Variants in FSIP2 observed in about 807,000 individuals in gnomAD.
FSIP2 encodes fibrous sheath-interacting protein 2.
In FSIP2, 367 loss-of-function variants were observed where a neutral mutation model predicts 510.5. The ratio of observed to expected loss-of-function variants is 0.72; its 90% confidence interval spans 0.66 to 0.78. The LOEUF (loss-of-function observed/expected upper bound fraction) is 0.78. Ranked by LOEUF, FSIP2 falls within the 30% of genes least tolerant of loss-of-function variation. FSIP2 has a pLI of 0.00. For missense variants in FSIP2, 7,594 were observed against 7,901.7 expected (o/e 0.96, Z 1.48); for synonymous variants, 2,601 against 2,732.2 (o/e 0.95, Z 1.50).
intron 13 of FSIP2, among the ~76,000 whole-genome samples, chr2:185,776,728 C>A (rs1002916027): frequency 6.6e-6 from 1 of 151,908 alleles, no homozygotes; most frequent in African/African-American, 2.4e-5. Context: ...CTGAGGGATG[C>A]AAGATTTTTA....
Position 185,806,528 on chromosome 2 carries a change from A to G in FSIP2, c.17222A>G (p.Asn5741Ser). 6.3e-7 allele frequency: 1 copy of G among 1,598,468 alleles called. No homozygotes were observed. Among genetic ancestry groups the G allele is most frequent in the South Asian group, 1.1e-5 (1 of 87,776 alleles). Residue 5741 changes from asparagine to serine, a missense_variant, in exon 17 of 23, where the codon AAT becomes AGT. Coordinates refer to ENST00000424728, the MANE Select transcript of FSIP2 (RefSeq NM_173651.4). ...TKKVSSSTNK[N>S]ISAKEKEEEE... ...AAAGTATCCTCCTCAACTAACAAAAATATCTCTGCCAAAGAAAAAGAAGAG... is the reference window on the plus strand; with the variant it reads ...AAAGTATCCTCCTCAACTAACAAAAGTATCTCTGCCAAAGAAAAAGAAGAG...
intron 17 of FSIP2, 148 bp downstream of exon 17, chr2:185,809,281 C>A: frequency 1.2e-6 from 1 of 816,660 alleles, no homozygotes; most frequent in Non-Finnish European, 1.8e-6. Flanking sequence ...TCAGTTCATC[C>A]ATACAGTCAT....
chr2:185,769,590 T>C (rs533433421), intron 13 of FSIP2, among the ~76,000 whole-genome samples: 1 of 152,316 alleles, frequency 6.6e-6, no homozygotes, highest in South Asian at 2.1e-4. Flanking sequence ...ACTGTATTAC[T>C]AGTTTCTTTT....
chr2:185,779,130 C>T (rs1002303714), intron 13 of FSIP2, among the ~76,000 whole-genome samples: 5 of 151,832 alleles, frequency 3.3e-5, no homozygotes, highest in African/African-American at 1.2e-4. Flanking sequence ...TTTTTATTGT[C>T]TTAGCATTTC....
intron 17 of FSIP2, among the ~76,000 whole-genome samples, chr2:185,813,224 C>T (rs925617863): frequency 3.3e-5 from 5 of 151,900 alleles, no homozygotes; most frequent in Non-Finnish European, 1.5e-5. Context: ...GTTATCCTGT[C>T]TACTTCTGTC....
chr2:185,783,599 T>C (rs1017392876), intron 14 of FSIP2: 4 of 152,256 alleles, frequency 2.6e-5, no homozygotes, highest in Admixed American at 1.3e-4. Context: ...GTTTGACTTA[T>C]TGAGTATTCA....
At chr2:185,763,343 T>C (rs772128448) in intron 12 of FSIP2, 54 bp downstream of exon 12, 62 of 759,556 alleles carry the variant, frequency 8.2e-5, no homozygotes, top group Middle Eastern at 4.5e-4. Flanking sequence ...GGATATGATC[T>C]TATGGTCATA....
At position 185,804,820 on chromosome 2, in the gene FSIP2, C is replaced by T; in HGVS notation, c.15514C>T (p.Leu5172Phe). 1 of 1,532,816 alleles carries T rather than the reference C, an allele frequency of 6.5e-7. No homozygotes were observed. Among genetic ancestry groups the T allele is most frequent in the Non-Finnish European group, 8.7e-7 (1 of 1,144,830 alleles). 95.0% of individuals were successfully genotyped at this position (1,532,816 alleles called of 1,614,324 possible). A position where few individuals can be genotyped will look rare whatever the true frequency, so the allele number is the denominator to read the frequency against. Residue 5172 changes from leucine (L) to phenylalanine (F), a missense_variant, in exon 17 of 23, where the codon CTT (leucine) becomes TTT (phenylalanine). Physicochemically the swap from Leu to Phe is conservative, Grantham distance 22. Coordinates refer to ENST00000424728, the MANE Select transcript of FSIP2 (RefSeq NM_173651.4). ...AGAAATTTCTGAACATGAGATTCGA[C>T]TTTCCATGGCAGAGGATAATGCAGA... Reference protein sequence around the residue: ...IKEISEHEIRLSMAEDNAESM... With the variant: ...IKEISEHEIRFSMAEDNAESM...
At position 185,813,546 on chromosome 2, in the gene FSIP2, C is replaced by T. The variant is rs371807474; in HGVS notation, c.19829C>T (p.Ala6610Val). 8.5e-5 allele frequency: 129 copies of T among 1,512,336 alleles called. No homozygotes were observed. Among genetic ancestry groups the T allele is most frequent in the Middle Eastern group, 1.9e-4 (1 of 5,212 alleles). 93.7% of individuals were successfully genotyped at this position (1,512,336 alleles called of 1,614,324 possible). A position where few individuals can be genotyped will look rare whatever the true frequency, so the allele number is the denominator to read the frequency against. Residue 6610 changes from alanine (A) to valine (V), a missense_variant and splice_region_variant, in exon 18 of 23, where the codon GCC becomes GTC. Coordinates refer to ENST00000424728, the MANE Select transcript of FSIP2 (RefSeq NM_173651.4). The part of the protein sequence containing the change: ...TGRLDVKPLE[A>V]VARNSFQNIR... The stretch of plus-strand genomic sequence containing the variant: ...TATTTGCTATACCTTTAATTTCAGG[C>T]CGTTGCTAGAAATTCATTTCAGAAT...
At chr2:185,828,252 C>T in intron 21 of FSIP2, 53 bp downstream of exon 21, 1 of 991,576 alleles carries the variant, frequency 1.0e-6, no homozygotes, top group South Asian at 1.4e-5. Context: ...TAGTTCAGAA[C>T]AACTCAGTTT....
Position 185,739,351 on chromosome 2 carries a change from G to A in FSIP2, c.105G>A (p.Val35=), listed in dbSNP as rs1691873943. ...AADTQQCRDG[V]HKTHFAGVGP... ...TCTCCAATTGTGTCTGACAGGGCGT[G>A]CACAAAACCCACTTTGCAGGGGTTG... Residue 35 remains valine, a synonymous_variant, in exon 2 of 23, where the codon GTG becomes GTA. Transcript: ENST00000424728. 2 of 1,529,488 alleles carry A rather than the reference G, an allele frequency of 1.3e-6. No individual in the cohort carries two copies. The highest frequency in any genetic ancestry group is 2.8e-5 in the African/African-American group (2 of 72,358). 94.7% of individuals were successfully genotyped at this position (1,529,488 alleles called of 1,614,324 possible).
At chr2:185,829,059 CT>C (rs1453828800) in intron 21 of FSIP2, among the ~76,000 whole-genome samples, 1 of 151,832 alleles carries the variant, frequency 6.6e-6, no homozygotes, top group Admixed American at 6.6e-5. Context: ...TCAGGCTCCA[CT>C]TTGGCCACAC....
rs1386225718 is a variant in FSIP2, at chr2:185,739,244, T to C, written c.100-102T>C. 4 of 1,293,500 alleles carry C rather than the reference T, an allele frequency of 3.1e-6. No homozygotes were observed. The East Asian group carries it at 1.1e-4, about 34-fold the overall frequency. 80.1% of individuals were successfully genotyped at this position (1,293,500 alleles called of 1,614,324 possible). A position where few individuals can be genotyped will look rare whatever the true frequency, so the allele number is the denominator to read the frequency against. ...TTCAGGATGCCCCGAACCCTGATTG[T>C]ATAATTCTTCGGAGTCTTTGGTTGC... On this transcript the variant is annotated intron_variant, in intron 1 of 22. Coordinates refer to ENST00000424728, the MANE Select transcript of FSIP2 (RefSeq NM_173651.4).
rs769748028 is a variant in FSIP2, at chr2:185,792,203, A to C, written c.5067A>C (p.Ala1689=). 1.5e-5 allele frequency: 23 copies of C among 1,532,436 alleles called. No homozygotes were observed. Among genetic ancestry groups the C allele is most frequent in the Non-Finnish European group, 1.9e-5 (22 of 1,144,596 alleles). 94.9% of individuals were successfully genotyped at this position (1,532,436 alleles called of 1,614,324 possible). The change falls in exon 16 of 23, where the codon GCA becomes GCC. Residue 1689 remains alanine (A), a synonymous_variant. Coordinates refer to ENST00000424728, the MANE Select transcript of FSIP2 (RefSeq NM_173651.4). ...LKYVVKLILD[A]VSSDMFNEME... ...ATGTAGTCAAGTTAATTTTAGATGC[A>C]GTATCTTCCGATATGTTTAATGAAA... is the stretch of plus-strand genomic sequence containing the variant.
intron 13 of FSIP2, chr2:185,765,496 G>A (rs922466535): frequency 6.6e-6 from 1 of 152,038 alleles, no homozygotes; most frequent in Non-Finnish European, 1.5e-5. Context: ...CTGTTCCATT[G>A]ATCTATATCT....
Position 185,786,369 on chromosome 2 carries a change from CTAAG to C in FSIP2, c.1506+85_1506+88del, listed in dbSNP as rs939645728. On this transcript the variant is annotated intron_variant, in intron 15 of 22. Transcript: ENST00000424728. The stretch of plus-strand genomic sequence containing the variant: ...ATCATAATAGAAAACATTTTGTTAA[CTAAG>C]TAATAGGAATCATCCATTGATATTT... 206 of 893,422 alleles carry C rather than the reference CTAAG, an allele frequency of 2.3e-4. No homozygotes were observed. The African/African-American group carries it at 3.3e-3, about 14-fold the overall frequency. 55.3% of individuals were successfully genotyped at this position (893,422 alleles called of 1,614,324 possible).
In FSIP2 at chr2:185,764,560, A is replaced by T. The variant is rs942666645; in HGVS notation, c.1406A>T (p.Glu469Val). ...ACCAAGAGATCAAGCTATCTCTGCG[A>T]ATCAGGTAAATATCAGCAGTAATTA... is the stretch of plus-strand genomic sequence containing the variant. ...RPTKRSSYLC[E>V]SGPQAHATDP... The change falls in exon 13 of 23, where the codon GAA becomes GTA. Residue 469 changes from glutamate to valine, a missense_variant. Glu to Val is a moderately radical substitution (Grantham distance 121). Transcript: ENST00000424728. 5.3e-6 allele frequency: 8 copies of T among 1,517,428 alleles called. No homozygotes were observed. Among genetic ancestry groups the T allele is most frequent in the Non-Finnish European group, 7.1e-6 (8 of 1,131,132 alleles). 94.0% of individuals were successfully genotyped at this position (1,517,428 alleles called of 1,614,324 possible).
intron 20 of FSIP2, among the ~76,000 whole-genome samples, chr2:185,827,667 T>C (rs1365678674): frequency 6.6e-6 from 1 of 151,910 alleles, no homozygotes; most frequent in Admixed American, 6.6e-5. Flanking sequence ...CCTCTGAGCA[T>C]TGCCTCAAAG....
chr2:185,812,518 A>C (rs999930520), intron 17 of FSIP2, among the ~76,000 whole-genome samples: 2 of 152,080 alleles, frequency 1.3e-5, no homozygotes, highest in Non-Finnish European at 2.9e-5. Context: ...ATCTATCTTC[A>C]ACAAAAGGAC....
Sources: allele counts gnomAD v4.1 joint callset (sites outside exome capture counted in the v4.1 genomes callset), GRCh38; gene constraint gnomAD v4.1.1; transcripts MANE v1.5; gene names NCBI Gene and HGNC (gene_info 2026-07-23, HGNC 2026-07-21).